The following CSMD2 variants were observed in gnomAD, a reference collection of about 807,000 sequenced individuals.
CSMD2 encodes CUB and Sushi multiple domains 2.
Under a neutral mutation model 398.5 loss-of-function variants are expected in CSMD2, and 130 were observed. The observed-to-expected ratio is 0.33, with a 90% CI of 0.28 to 0.38. CSMD2 has a LOEUF of 0.38. CSMD2 is among the 10% of genes least tolerant of loss of function. CSMD2 has a pLI of 1.00. For synonymous variants in CSMD2, 1,828 were observed against 1,908.5 expected, an observed-to-expected ratio of 0.96 and a Z score of 1.10; for missense variants, 3,829 against 4,764.9, an observed-to-expected ratio of 0.80 and a Z score of 5.78.
At chr1:33,749,021 A>C (rs1647796149) in intron 13 of CSMD2, among the ~76,000 whole-genome samples, 1 of 152,092 alleles carries the variant, frequency 6.6e-6, no homozygotes, top group Admixed American at 6.5e-5. Context: ...TAATCACTTA[A>C]AAATTCATAA....
chr1:33,639,805 T>C (rs1643010138), intron 29 of CSMD2, among the ~76,000 whole-genome samples: 1 of 152,174 alleles, frequency 6.6e-6, no homozygotes, highest in African/African-American at 2.4e-5. Flanking sequence ...AATAATGACA[T>C]GGATAATGAC....
chr1:33,935,642 G>T, intron 4 of CSMD2, 118 bp downstream of exon 4: 1 of 1,096,504 alleles, frequency 9.1e-7, no homozygotes. Flanking sequence ...TCCAGACTTG[G>T]GTACCCCCCT....
rs954471566 is a variant in CSMD2, at chr1:33,698,671, G to A, written c.3925+82C>T. The A allele has an allele frequency of 3.0e-6, 4 of 1,330,304 alleles. No individual in the cohort carries two copies. The African/African-American group carries it at 5.9e-5, about 19-fold the overall frequency. The allele number at this position is 1,330,304 out of a possible 1,614,324, so 82.4% of individuals were successfully genotyped here. ...ATGGCCCCCAGGCCCTGGAGCATGG[G>A]GTCTAACTGGAATGAGACCAGGACT... is the stretch of plus-strand genomic sequence containing the variant. On this transcript the variant is annotated intron_variant, in intron 24 of 70. Transcript: ENST00000373381.
In CSMD2 at chr1:33,605,487, G is replaced by A. The variant is rs1429348430; in HGVS notation, c.6344-17C>T. On this transcript the variant is annotated splice_polypyrimidine_tract_variant and intron_variant, in intron 41 of 70. Transcript: ENST00000373381. ...GTTCATAGGCTGGAAAAGATCCGGA[G>A]AAAAGGTCACTTTATTCTCTCTGAC... 21 of 1,613,424 alleles carry A rather than the reference G, an allele frequency of 1.3e-5. No individual in the cohort carries two copies. Among genetic ancestry groups the A allele is most frequent in the Non-Finnish European group, 1.4e-5 (17 of 1,179,480 alleles).
At chr1:33,920,198 A>G (rs1447137866) in intron 4 of CSMD2, among the ~76,000 whole-genome samples, 1 of 152,100 alleles carries the variant, frequency 6.6e-6, no homozygotes, top group African/African-American at 2.4e-5. Flanking sequence ...TGCAAAGGTC[A>G]CCAGGGTGCA....
chr1:33,526,124 T>C (rs189841547), intron 65 of CSMD2, among the ~76,000 whole-genome samples: 47 of 152,312 alleles, frequency 3.1e-4, no homozygotes, highest in Admixed American at 2.0e-3. Context: ...AATATGTTTA[T>C]TATTTGTCAA....
chr1:33,580,939 C>T lies in CSMD2; in HGVS notation c.7241-40G>A, dbSNP rs375556598. ...ACGCAGGATTACAGACCATGGGAGC[C>T]ATCACAGGGAGCCTCCAGGGAAGAC... On this transcript the variant is annotated intron_variant, in intron 47 of 70. Transcript: ENST00000373381. 3 of 1,606,690 alleles carry T rather than the reference C, an allele frequency of 1.9e-6. No homozygotes were observed. In the Admixed American group the frequency reaches 5.1e-5, roughly 27 times the overall value.
chr1:34,015,480 G>A (rs1647956825), intron 3 of CSMD2, among the ~76,000 whole-genome samples: 1 of 152,182 alleles, frequency 6.6e-6, no homozygotes, highest in Non-Finnish European at 1.5e-5. Flanking sequence ...AGAGGCATGA[G>A]GAGCCACCAT....
At chr1:33,797,516 T>C (rs934279697) in intron 10 of CSMD2, among the ~76,000 whole-genome samples, 1 of 152,198 alleles carries the variant, frequency 6.6e-6, no homozygotes, top group African/African-American at 2.4e-5. Context: ...GTGGTAGAGC[T>C]GGGACTCCCA....
At chr1:33,569,032 G>A (rs1659327639) in intron 52 of CSMD2, among the ~76,000 whole-genome samples, 1 of 152,170 alleles carries the variant, frequency 6.6e-6, no homozygotes, top group African/African-American at 2.4e-5. Flanking sequence ...GGTATTTTAG[G>A]TGTGTTACAG....
chr1:33,875,498 G>A (rs1048743572), intron 5 of CSMD2: 1 of 152,302 alleles, frequency 6.6e-6, no homozygotes, highest in African/African-American at 2.4e-5. Context: ...GACCACCATG[G>A]ACCTCCCTGT....
chr1:34,159,588 C>T lies in CSMD2; in HGVS notation c.187+5323G>A, dbSNP rs760737034. 4.6e-5 allele frequency among the ~76,000 whole-genome samples: 7 copies of T among 152,130 alleles called. No homozygotes were observed. The East Asian group carries it at 7.7e-4, about 17-fold the overall frequency. ...CCAGGCCTGCATCCAAACTGTGGCT[C>T]GGCTATTTACTTAGTGCGTGGATAA... On this transcript the variant is annotated intron_variant, in intron 1 of 70. Coordinates refer to ENST00000373381, the MANE Select transcript of CSMD2 (RefSeq NM_001281956.2).
intron 2 of CSMD2, among the ~76,000 whole-genome samples, chr1:34,039,019 C>G (rs1350760550): frequency 4.6e-5 from 7 of 150,992 alleles, no homozygotes; most frequent in Non-Finnish European, 8.9e-5. Context: ...CTAATTAACT[C>G]TTTCTCATCA....
At chr1:34,091,130 T>C (rs1229446831) in intron 1 of CSMD2, among the ~76,000 whole-genome samples, 1 of 152,164 alleles carries the variant, frequency 6.6e-6, no homozygotes, top group Admixed American at 6.5e-5. Flanking sequence ...ATTATAAAAG[T>C]AAATCTCCAT....
chr1:33,731,781 TATTA>T (rs1045108865), intron 15 of CSMD2, among the ~76,000 whole-genome samples: 12 of 152,252 alleles, frequency 7.9e-5, no homozygotes, highest in South Asian at 4.1e-4. Flanking sequence ...AATTTGATTA[TATTA>T]ATTGTTTTTA....
Position 34,100,294 on chromosome 1 carries a change from G to A in CSMD2, c.188-11101C>T, listed in dbSNP as rs149406792. 1.7e-3 allele frequency among the ~76,000 whole-genome samples: 262 copies of A among 152,050 alleles called. 3 individuals are homozygous for A. The highest frequency in any genetic ancestry group is 5.9e-3 in the African/African-American group (246 of 41,468). On this transcript the variant is annotated intron_variant, in intron 1 of 70. Coordinates refer to ENST00000373381, the MANE Select transcript of CSMD2 (RefSeq NM_001281956.2). ...CCTCCCCACCCAATCCAAAATTACCGAAGTTAACAGCCAGGTATGTGTCCC... is the reference window on the plus strand; with the variant it reads ...CCTCCCCACCCAATCCAAAATTACCAAAGTTAACAGCCAGGTATGTGTCCC...
In CSMD2 at chr1:33,652,374, T is replaced by G; in HGVS notation, c.4535A>C (p.Asp1512Ala). The G allele has an allele frequency of 6.2e-7, 1 of 1,614,138 alleles. No individual in the cohort carries two copies. Among genetic ancestry groups the G allele is most frequent in the Non-Finnish European group, 8.5e-7 (1 of 1,180,012 alleles). ...PEPYPPGKEC[D>A]WKVTVSPDYV... ...GTCTGGTGAGACGGTCACTTTCCAGTCACACTCCTTGCCTGGCGGGTAGGG... is the reference window on the plus strand; with the variant it reads ...GTCTGGTGAGACGGTCACTTTCCAGGCACACTCCTTGCCTGGCGGGTAGGG... The change falls in exon 28 of 71, where the codon GAC becomes GCC. Residue 1512 changes from aspartate (D) to alanine (A), a missense_variant. By Grantham distance (126) the Asp-to-Ala change is moderately radical. Around this residue, in one of 5 missense-constraint regions of CSMD2, gnomAD observed 2,001 missense variants for 2,567.1 expected, o/e 0.78. Coordinates refer to ENST00000373381, the MANE Select transcript of CSMD2 (RefSeq NM_001281956.2).
At chr1:34,139,022 T>C (rs1172849054) in intron 1 of CSMD2, among the ~76,000 whole-genome samples, 1 of 152,186 alleles carries the variant, frequency 6.6e-6, no homozygotes, top group African/African-American at 2.4e-5. Context: ...GCAACCCATA[T>C]TGAAGTCTAG....
At chr1:33,782,645 C>A (rs768666660) in intron 12 of CSMD2, among the ~76,000 whole-genome samples, 1 of 152,118 alleles carries the variant, frequency 6.6e-6, no homozygotes, top group Non-Finnish European at 1.5e-5. Context: ...TGAGAGGGTG[C>A]TGAGGAGGGT....
Sources: gnomAD v4.1 joint callset for allele counts (sites outside exome capture counted in the v4.1 genomes callset) on GRCh38, gnomAD v4.1.1 for gene constraint, gnomAD v4.1.1 regional missense constraint, MANE v1.5 for transcripts, NCBI Gene and HGNC (gene_info 2026-07-23, HGNC 2026-07-21) for gene names.